ARHGAP21: variants seen among roughly 807,000 people sequenced by gnomAD.
ARHGAP21 encodes Rho GTPase activating protein 21.
Under a neutral mutation model 164.6 loss-of-function variants are expected in ARHGAP21, and 38 were observed. The observed-to-expected ratio is 0.23, with a 90% confidence interval of 0.18 to 0.30. ARHGAP21 has a LOEUF of 0.30. Among genes scored for constraint, ARHGAP21 ranks in the 10% least tolerant of loss-of-function variants. The probability of loss-of-function intolerance (pLI) is 1.00; values close to 1 mark genes in which losing one functional copy is unlikely to be tolerated. For missense variants in ARHGAP21, 1,822 were observed against 2,370.7 expected, an observed-to-expected ratio of 0.77 and a Z score of 4.81; for synonymous variants, 766 against 857.9, an observed-to-expected ratio of 0.89 and a Z score of 1.87.
chr10:24,626,445 A>G (rs1835148081), intron 7 of ARHGAP21, among the ~76,000 whole-genome samples: 1 of 152,238 alleles, frequency 6.6e-6, no homozygotes, highest in African/African-American at 2.4e-5. Context: ...AAGAAGCCAC[A>G]GAGAGCTGCG....
At chr10:24,645,456 C>T (rs867369223) in intron 4 of ARHGAP21, among the ~76,000 whole-genome samples, 11 of 152,014 alleles carry the variant, frequency 7.2e-5, no homozygotes, top group African/African-American at 2.7e-4. Context: ...TGGTGATGAG[C>T]GCCTGTAGTC....
intron 24 of ARHGAP21, chr10:24,590,106 A>T: frequency 1.8e-6 from 2 of 1,094,774 alleles, no homozygotes; most frequent in South Asian, 2.9e-5. Context: ...TTTCAACATT[A>T]GGGAAATTGG....
intron 2 of ARHGAP21, among the ~76,000 whole-genome samples, chr10:24,674,562 T>TGA (rs1224222744): frequency 2.0e-4 from 30 of 151,824 alleles, no homozygotes; most frequent in Non-Finnish European, 3.4e-4. Context: ...GGTGCATGCC[T>TGA]GTAGTCCCAG....
chr10:24,630,259 C>A (rs1835725605), intron 6 of ARHGAP21, among the ~76,000 whole-genome samples: 1 of 152,030 alleles, frequency 6.6e-6, no homozygotes, highest in Admixed American at 6.6e-5. Context: ...AGGGACGGAC[C>A]CCTGCCATGT....
At chr10:24,638,760 T>C (rs1361905359) in intron 4 of ARHGAP21, among the ~76,000 whole-genome samples, 1 of 152,200 alleles carries the variant, frequency 6.6e-6, no homozygotes, top group Non-Finnish European at 1.5e-5. Context: ...GGCACATACA[T>C]GCAGTTAAAT....
intron 2 of ARHGAP21, among the ~76,000 whole-genome samples, chr10:24,691,963 C>T (rs1442523371): frequency 6.6e-6 from 1 of 152,122 alleles, no homozygotes; most frequent in Non-Finnish European, 1.5e-5. Context: ...ATCCAATATA[C>T]CATAAATTTT....
intron 2 of ARHGAP21, among the ~76,000 whole-genome samples, chr10:24,713,504 G>T (rs1426413304): frequency 6.6e-6 from 1 of 152,070 alleles, no homozygotes; most frequent in Non-Finnish European, 1.5e-5. Flanking sequence ...CAGATGAATA[G>T]TCAGAAATAT....
intron 17 of ARHGAP21, 132 bp downstream of exon 17, chr10:24,596,606 GGA>G (rs2076592022): frequency 8.2e-6 from 10 of 1,221,546 alleles, no homozygotes; most frequent in Non-Finnish European, 1.1e-5. Context: ...AAATACTTAG[GGA>G]AACTAAGGTC....
At chr10:24,610,236 G>A (rs1565005167) in intron 9 of ARHGAP21, among the ~76,000 whole-genome samples, 2 of 152,090 alleles carry the variant, frequency 1.3e-5, no homozygotes, top group Non-Finnish European at 2.9e-5. Flanking sequence ...AATTAGCTGG[G>A]CATGGTGGTG....
chr10:24,663,390 T>C (rs1369218473), intron 4 of ARHGAP21, among the ~76,000 whole-genome samples: 1 of 152,210 alleles, frequency 6.6e-6, no homozygotes, highest in Non-Finnish European at 1.5e-5. Flanking sequence ...TCCATTCTTC[T>C]AAACGGTTTG....
In ARHGAP21 at chr10:24,602,068, C is replaced by T; in HGVS notation, c.2757G>A (p.Gly919=). ...CCTCTGAGGAAGAATCTTTTCTGGA[C>T]CCAGAGTCTTCTGATGACTTTTGGC... ...ADSQKSSEDS[G]SRKDSSSEVF... Residue 919 remains glycine (G), a synonymous_variant, in exon 13 of 26, where the codon GGG becomes GGA. Transcript: ENST00000396432. 4 of 1,613,142 alleles carry T rather than the reference C, an allele frequency of 2.5e-6. No homozygotes were observed. The highest frequency in any genetic ancestry group is 3.4e-6 in the Non-Finnish European group (4 of 1,179,812).
intron 9 of ARHGAP21, among the ~76,000 whole-genome samples, chr10:24,616,722 A>G (rs538967669): frequency 1.3e-5 from 2 of 152,288 alleles, no homozygotes; most frequent in East Asian, 3.9e-4. Context: ...AAATTAGAGA[A>G]GTGTAGGAAG....
In ARHGAP21 at chr10:24,654,265, C is replaced by A. The variant is rs149555517; in HGVS notation, c.268+12720G>T. On this transcript the variant is annotated intron_variant, in intron 4 of 25. Transcript: ENST00000396432. ...CACTCCTATTCAACATAGTGTTGGA[C>A]GTTCTGGCCAGGGCAATCAGGCAAG... 1.6e-3 allele frequency among the ~76,000 whole-genome samples: 238 copies of A among 152,252 alleles called. 5 individuals are homozygous for A. The East Asian group carries it at 0.038, about 24-fold the overall frequency.
rs61735172 is a variant in ARHGAP21, at chr10:24,586,065, C to A, written c.4224G>T (p.Leu1408=). The A allele has an allele frequency of 1.9e-6, 3 of 1,613,200 alleles. No individual in the cohort carries two copies. The highest frequency in any genetic ancestry group is 2.5e-6 in the Non-Finnish European group (3 of 1,179,698). ...CAGCTGCAAAGATGGAGGACACAAGCAGTTCCCTGCTATACTGATCCTTTC... is the reference window on the plus strand; with the variant it reads ...CAGCTGCAAAGATGGAGGACACAAGAAGTTCCCTGCTATACTGATCCTTTC... ...GSGKDQYSRE[L]LVSSIFAAAS... Residue 1408 remains leucine (L), a synonymous_variant, in exon 26 of 26, where the codon CTG becomes CTT. Transcript: ENST00000396432.
intron 23 of ARHGAP21, 106 bp downstream of exon 23, chr10:24,591,536 G>A (rs2076330782): frequency 7.1e-7 from 1 of 1,413,808 alleles, no homozygotes; most frequent in Non-Finnish European, 1.0e-6. Context: ...TGCTTCCGGG[G>A]CGCAAAGCGG....
intron 2 of ARHGAP21, among the ~76,000 whole-genome samples, chr10:24,688,768 G>A (rs913315086): frequency 1.3e-5 from 2 of 152,156 alleles, no homozygotes; most frequent in Non-Finnish European, 2.9e-5. Context: ...CAGGAGTTAA[G>A]CTCCGTCCTA....
chr10:24,712,408 C>T (rs1028400185), intron 2 of ARHGAP21, among the ~76,000 whole-genome samples: 5 of 152,138 alleles, frequency 3.3e-5, no homozygotes, highest in Non-Finnish European at 7.4e-5. Context: ...CCAAGACCTC[C>T]TGCGGATACC....
At chr10:24,698,558 T>A (rs1320099496) in intron 2 of ARHGAP21, among the ~76,000 whole-genome samples, 1 of 152,214 alleles carries the variant, frequency 6.6e-6, no homozygotes, top group African/African-American at 2.4e-5. Context: ...GACTGTTCCT[T>A]TAAATTCTTC....
At chr10:24,674,274 C>T (rs1385676357) in intron 2 of ARHGAP21, among the ~76,000 whole-genome samples, 1 of 152,158 alleles carries the variant, frequency 6.6e-6, no homozygotes, top group Non-Finnish European at 1.5e-5. Flanking sequence ...TGGCTCACAC[C>T]TGTAATCCCA....
Sources: gnomAD v4.1 joint callset for allele counts (sites outside exome capture counted in the v4.1 genomes callset) on GRCh38, gnomAD v4.1.1 for gene constraint, MANE v1.5 for transcripts, NCBI Gene and HGNC (gene_info 2026-07-23, HGNC 2026-07-21) for gene names.